Variants in ANKIB1 observed in about 807,000 individuals in gnomAD.
The protein encoded by ANKIB1 is ankyrin repeat and IBR domain containing 1, also known as ankyrin repeat and IBR domain-containing protein 1.
In ANKIB1, 43 loss-of-function variants were observed where a neutral mutation model predicts 122.1. That is an observed-to-expected ratio of 0.35 (90% CI 0.28 to 0.45). The LOEUF is 0.45. ANKIB1 is among the 20% of genes least tolerant of loss of function. ANKIB1 has a pLI of 1.00. For synonymous variants in ANKIB1, 390 were observed against 442.0 expected (o/e 0.88, Z 1.48); for missense variants, 992 against 1,329.5 (o/e 0.75, Z 3.95).
At chr7:92,391,609 CATAAAT>C in intron 16 of ANKIB1, among the ~76,000 whole-genome samples, 1 of 151,896 alleles carries the variant, frequency 6.6e-6, no homozygotes, top group East Asian at 1.9e-4. Flanking sequence ...CAGGTGAACT[CATAAAT>C]AAGAGTATTC....
chr7:92,321,035 T>A (rs1300157739), intron 4 of ANKIB1, among the ~76,000 whole-genome samples: 1 of 152,184 alleles, frequency 6.6e-6, no homozygotes, highest in Non-Finnish European at 1.5e-5. Context: ...TCGCAGTTAT[T>A]TTTTGCCGTT....
intron 1 of ANKIB1, among the ~76,000 whole-genome samples, chr7:92,253,275 A>G (rs1331510053): frequency 6.6e-6 from 1 of 152,014 alleles, no homozygotes; most frequent in Admixed American, 6.6e-5. Context: ...CAGTTGTTTT[A>G]TTTATTTGCC....
At position 92,307,484 on chromosome 7, in the gene ANKIB1, G is replaced by T. The variant is rs759267009; in HGVS notation, c.314G>T (p.Arg105Leu). 2 of 1,613,678 alleles carry T rather than the reference G, an allele frequency of 1.2e-6. No homozygotes were observed. Among genetic ancestry groups the T allele is most frequent in the African/African-American group, 1.3e-5 (1 of 74,874 alleles). Residue 105 changes from arginine to leucine, a missense_variant, in exon 3 of 20, where the codon CGC becomes CTC. Physicochemically the swap from Arg to Leu is moderately radical, Grantham distance 102. Transcript: ENST00000265742. ...GGAGCCCTTCATCCTCGCTTGGCACGCCCCACAGAAGATGATTTCAGAAGA... is the reference window on the plus strand; with the variant it reads ...GGAGCCCTTCATCCTCGCTTGGCACTCCCCACAGAAGATGATTTCAGAAGA... ...SEGALHPRLA[R>L]PTEDDFRRAD... is the part of the protein sequence containing the mutation.
chr7:92,309,417 G>T (rs997036352), intron 3 of ANKIB1, among the ~76,000 whole-genome samples: 8 of 152,076 alleles, frequency 5.3e-5, no homozygotes, highest in Non-Finnish European at 1.0e-4. Context: ...GATTCACTGT[G>T]GTGGAAGAAT....
intron 2 of ANKIB1, among the ~76,000 whole-genome samples, chr7:92,302,284 G>C (rs901857648): frequency 1.3e-5 from 2 of 152,134 alleles, no homozygotes; most frequent in African/African-American, 4.8e-5. Context: ...GATATTCCTA[G>C]TCACGGACCT....
chr7:92,305,817 G>A (rs191138630), intron 2 of ANKIB1, among the ~76,000 whole-genome samples: 24 of 152,206 alleles, frequency 1.6e-4, no homozygotes, highest in African/African-American at 5.8e-4. Flanking sequence ...AATGAGCTTT[G>A]GAAATTAAAT....
At chr7:92,257,122 G>A (rs1390206064) in intron 1 of ANKIB1, among the ~76,000 whole-genome samples, 5 of 151,850 alleles carry the variant, frequency 3.3e-5, no homozygotes, top group Non-Finnish European at 5.9e-5. Flanking sequence ...CCTGAGAGGC[G>A]GAGCTTGCAG....
At chr7:92,367,240 A>G (rs1176990610) in intron 10 of ANKIB1, among the ~76,000 whole-genome samples, 2 of 152,216 alleles carry the variant, frequency 1.3e-5, no homozygotes, top group Non-Finnish European at 2.9e-5. Context: ...CTGCAGAGAA[A>G]GTCCCAGTTA....
intron 1 of ANKIB1, among the ~76,000 whole-genome samples, chr7:92,251,323 T>G (rs1801325203): frequency 6.6e-6 from 1 of 152,190 alleles, no homozygotes; most frequent in Admixed American, 6.5e-5. Flanking sequence ...CAAATAGACA[T>G]GAAAACATTG....
intron 5 of ANKIB1, among the ~76,000 whole-genome samples, chr7:92,340,041 T>C (rs1803403053): frequency 6.6e-6 from 1 of 152,188 alleles, no homozygotes; most frequent in South Asian, 2.1e-4. Context: ...TCCCTTGGCC[T>C]TAAAGAACAT....
chr7:92,381,821 A>G (rs1225231028), intron 11 of ANKIB1, among the ~76,000 whole-genome samples: 1 of 152,224 alleles, frequency 6.6e-6, no homozygotes, highest in Non-Finnish European at 1.5e-5. Context: ...TGCTAGGAAG[A>G]AACTGCATCA....
At chr7:92,294,638 A>G in intron 1 of ANKIB1, 4 of 368,390 alleles carry the variant, frequency 1.1e-5, no homozygotes, top group Non-Finnish European at 9.6e-6. Context: ...TAATTTTTGT[A>G]ATCCGAAGGA....
intron 10 of ANKIB1, among the ~76,000 whole-genome samples, chr7:92,368,004 A>C (rs1166683005): frequency 2.0e-5 from 3 of 152,098 alleles, no homozygotes; most frequent in African/African-American, 7.2e-5. Context: ...AAAAATAAAA[A>C]ACTTAGCTAG....
intron 11 of ANKIB1, among the ~76,000 whole-genome samples, chr7:92,383,919 T>A (rs1288147295): frequency 1.3e-5 from 2 of 151,964 alleles, no homozygotes; most frequent in African/African-American, 2.4e-5. Context: ...AGAAATAGAG[T>A]ATTCAATTAG....
chr7:92,320,435 C>G (rs1428604996), intron 4 of ANKIB1, among the ~76,000 whole-genome samples: 1 of 152,164 alleles, frequency 6.6e-6, no homozygotes, highest in Non-Finnish European at 1.5e-5. Context: ...ATTGACCAAT[C>G]CCTTCTTAAT....
In ANKIB1 at chr7:92,246,433, A is replaced by G; in HGVS notation, c.-177A>G. ...GGCGGGCTGGGTACCTGAGGTCACC[A>G]GCTCGGCTGTAGAGGCAGGGGCGGC... On this transcript the variant is annotated 5_prime_UTR_variant, in exon 1 of 20. Transcript: ENST00000265742. The G allele has an allele frequency of 1.9e-6, 1 of 517,198 alleles. No individual in the cohort carries two copies. 32.0% of individuals were successfully genotyped at this position (517,198 alleles called of 1,614,324 possible). A position where few individuals can be genotyped will look rare whatever the true frequency, so the allele number is the denominator to read the frequency against.
Position 92,390,085 on chromosome 7 carries a change from G to A in ANKIB1, c.2021G>A (p.Ser674Asn), listed in dbSNP as rs1804755015. 6.3e-7 allele frequency: 1 copy of A among 1,586,138 alleles called. No homozygotes were observed. The highest frequency in any genetic ancestry group is 8.5e-7 in the Non-Finnish European group (1 of 1,171,060). ...TATGGATTTTTCTTGGAACCTAAAA[G>A]CACAAAGAAAGAAATTTTTGAACTA... ...YPYGFFLEPKSTKKEIFELMQ... is the reference protein window; with the variant it reads ...YPYGFFLEPKNTKKEIFELMQ... Residue 674 changes from serine (S) to asparagine (N), a missense_variant, in exon 15 of 20, where the codon AGC becomes AAC. By Grantham distance (46) the Ser-to-Asn change is conservative. Transcript: ENST00000265742.
chr7:92,303,594 A>G (rs988070524), intron 2 of ANKIB1, among the ~76,000 whole-genome samples: 1 of 152,192 alleles, frequency 6.6e-6, no homozygotes, highest in Admixed American at 6.5e-5. Context: ...ACTTGCTTCC[A>G]GTAACGGGGT....
intron 2 of ANKIB1, among the ~76,000 whole-genome samples, chr7:92,297,756 A>C (rs972801016): frequency 6.6e-6 from 1 of 152,170 alleles, no homozygotes. Context: ...TGTCTTGAGA[A>C]AGTTATAATA....
Sources: gnomAD v4.1 joint callset for allele counts (sites outside exome capture counted in the v4.1 genomes callset) on GRCh38, gnomAD v4.1.1 for gene constraint, MANE v1.5 for transcripts, NCBI Gene and HGNC (gene_info 2026-07-23, HGNC 2026-07-21) for gene names.